FSTL4: variants seen among roughly 807,000 people sequenced by gnomAD.
FSTL4 encodes follistatin like 4, also known as follistatin-related protein 4.
In FSTL4, 28 loss-of-function variants were observed where a neutral mutation model predicts 78.2. That is an observed-to-expected ratio of 0.36 (90% confidence interval 0.27 to 0.49). The LOEUF (loss-of-function observed/expected upper bound fraction) is 0.49. Among genes scored for constraint, FSTL4 ranks in the 20% least tolerant of loss-of-function variants. The pLI, the probability that FSTL4 is intolerant of heterozygous loss-of-function variation, is 0.98. For synonymous variants in FSTL4, 422 were observed against 440.5 expected (o/e 0.96, Z 0.53); for missense variants, 922 against 1,084.9 (o/e 0.85, Z 2.11).
At chr5:133,697,798 T>C in the FSTL4 span, among the ~76,000 whole-genome samples, 1 of 152,162 alleles carries the variant, frequency 6.6e-6, no homozygotes, top group Non-Finnish European at 1.5e-5. Context: ...CAGCATGGCC[T>C]GGCAAAATCA....
At chr5:133,258,881 G>A (rs1283171844) in intron 6 of FSTL4, among the ~76,000 whole-genome samples, 1 of 152,196 alleles carries the variant, frequency 6.6e-6, no homozygotes, top group Non-Finnish European at 1.5e-5. Flanking sequence ...GACAGGCCAA[G>A]TCATCCAGGT....
chr5:133,379,396 CTAA>C (rs1203509681), intron 4 of FSTL4, among the ~76,000 whole-genome samples: 1 of 151,884 alleles, frequency 6.6e-6, no homozygotes, highest in African/African-American at 2.4e-5. Context: ...TATGATACAA[CTAA>C]ACCTACTAGA....
Position 133,220,907 on chromosome 5 carries a change from C to T in FSTL4, c.1340-41G>A, listed in dbSNP as rs370030673. ...GGAATGGGCATGCCCTCCAAGCAGT[C>T]GGCCCCTGGGCAGGGTCACACGCAG... On this transcript the variant is annotated intron_variant, in intron 11 of 15. Coordinates refer to ENST00000265342, the MANE Select transcript of FSTL4 (RefSeq NM_015082.2). 9.6e-5 allele frequency: 115 copies of T among 1,202,710 alleles called. No homozygotes were observed. The African/African-American group carries it at 1.1e-3, about 11-fold the overall frequency. 74.5% of individuals were successfully genotyped at this position (1,202,710 alleles called of 1,614,324 possible). A position where few individuals can be genotyped will look rare whatever the true frequency, so the allele number is the denominator to read the frequency against.
chr5:133,580,804 C>A (rs999028048), intron 2 of FSTL4, among the ~76,000 whole-genome samples: 5 of 152,312 alleles, frequency 3.3e-5, no homozygotes, highest in Non-Finnish European at 5.9e-5. Context: ...GCAGGGGAAG[C>A]AGCGGAGGTC....
intron 3 of FSTL4, among the ~76,000 whole-genome samples, chr5:133,423,191 G>A (rs1376761465): frequency 6.6e-6 from 1 of 152,238 alleles, no homozygotes; most frequent in African/African-American, 2.4e-5. Context: ...ATGAATGGGC[G>A]GCTTGTTTCC....
chr5:133,228,338 C>CCA (rs1209239380), intron 8 of FSTL4, among the ~76,000 whole-genome samples: 1 of 152,204 alleles, frequency 6.6e-6, no homozygotes. Context: ...GGCACTCTGA[C>CCA]AAGTTTTATC....
At chr5:133,738,272 G>T in the FSTL4 span, among the ~76,000 whole-genome samples, 1 of 152,190 alleles carries the variant, frequency 6.6e-6, no homozygotes, top group African/African-American at 2.4e-5. Context: ...TCTCTGAGGA[G>T]CTCAGTGCTC....
At chr5:133,248,585 G>A (rs981167381) in intron 7 of FSTL4, 1 of 152,210 alleles carries the variant, frequency 6.6e-6, no homozygotes, top group Non-Finnish European at 1.5e-5. Context: ...TCTAATAGAA[G>A]GGAAGTATTG....
rs923708502 is a variant in FSTL4, at chr5:133,611,132, A to G, written c.-11+1193T>C. On this transcript the variant is annotated intron_variant, in intron 1 of 15. Coordinates refer to ENST00000265342, the MANE Select transcript of FSTL4 (RefSeq NM_015082.2). This position sits in a 1 kb window ranked among gnomAD's most constrained non-coding sequence, Gnocchi z 4.9. The stretch of plus-strand genomic sequence containing the variant: ...GCGGCGGGCTGTGGCCGCGCCATTC[A>G]TCAGTGTCGGCGGCCCGCGGCCGCG... 2.6e-5 allele frequency among the ~76,000 whole-genome samples: 4 copies of G among 151,870 alleles called. No homozygotes were observed. Among genetic ancestry groups the G allele is most frequent in the Non-Finnish European group, 4.4e-5 (3 of 67,940 alleles).
intron 3 of FSTL4, among the ~76,000 whole-genome samples, chr5:133,438,090 T>C (rs1757073524): frequency 6.6e-6 from 1 of 152,256 alleles, no homozygotes; most frequent in African/African-American, 2.4e-5. Flanking sequence ...TTGATTCATT[T>C]ATCAGTTAGG....
At chr5:133,356,137 A>G (rs1754940675) in intron 4 of FSTL4, among the ~76,000 whole-genome samples, 1 of 152,184 alleles carries the variant, frequency 6.6e-6, no homozygotes, top group Admixed American at 6.5e-5. Context: ...GATCATGAAA[A>G]CATAGTCTTT....
chr5:133,666,846 C>T, the FSTL4 span, among the ~76,000 whole-genome samples: 7 of 152,250 alleles, frequency 4.6e-5, no homozygotes, highest in Non-Finnish European at 1.0e-4. Flanking sequence ...TAAGTGTTGT[C>T]TTTTACTTTC....
rs149072459 is a variant in FSTL4, at chr5:133,467,326, A to C, written c.161-66340T>G. 7.8e-4 allele frequency among the ~76,000 whole-genome samples: 118 copies of C among 152,044 alleles called. 2 individuals carry two copies. The highest frequency in any genetic ancestry group is 6.8e-3 in the Middle Eastern group (2 of 294). ...ACTGCATTCCCTGGGACAGAGGCTC[A>C]GTGGCATGACAGAGTGAAGGTGTGA... On this transcript the variant is annotated intron_variant, in intron 3 of 15. Coordinates refer to ENST00000265342, the MANE Select transcript of FSTL4 (RefSeq NM_015082.2).
chr5:133,621,715 T>C, the FSTL4 span, among the ~76,000 whole-genome samples: 1 of 152,072 alleles, frequency 6.6e-6, no homozygotes, highest in Non-Finnish European at 1.5e-5. Context: ...CTTACTTATG[T>C]AACCACATAC....
At chr5:133,758,755 C>A in the FSTL4 span, among the ~76,000 whole-genome samples, 1 of 152,130 alleles carries the variant, frequency 6.6e-6, no homozygotes, top group African/African-American at 2.4e-5. Flanking sequence ...TAGGGGTCAA[C>A]ATTTTGGGAG....
intron 2 of FSTL4, among the ~76,000 whole-genome samples, chr5:133,569,950 C>T (rs1760113992): frequency 2.0e-5 from 3 of 152,078 alleles, no homozygotes; most frequent in Non-Finnish European, 4.4e-5. Flanking sequence ...TGGCTCTCAC[C>T]TGTAATCCCA....
At chr5:133,438,680 A>G (rs894058162) in intron 3 of FSTL4, among the ~76,000 whole-genome samples, 1 of 152,208 alleles carries the variant, frequency 6.6e-6, no homozygotes, top group African/African-American at 2.4e-5. Context: ...CTGAAGTGCA[A>G]ATTCATCATC....
At chr5:133,325,570 G>A (rs900929364) in intron 4 of FSTL4, among the ~76,000 whole-genome samples, 2 of 152,022 alleles carry the variant, frequency 1.3e-5, no homozygotes, top group African/African-American at 4.8e-5. Flanking sequence ...GGACCTAGGG[G>A]CAAAGGCATG....
intron 3 of FSTL4, among the ~76,000 whole-genome samples, chr5:133,408,920 C>T (rs1182316508): frequency 6.6e-6 from 1 of 152,072 alleles, no homozygotes; most frequent in Non-Finnish European, 1.5e-5. Context: ...AAGTAGTAGC[C>T]ATTTGGTTTT....
Sources: gnomAD v4.1 joint callset for allele counts (sites outside exome capture counted in the v4.1 genomes callset) on GRCh38, gnomAD v4.1.1 for gene constraint, Gnocchi (gnomAD v3.1) non-coding constraint, MANE v1.5 for transcripts, NCBI Gene and HGNC (gene_info 2026-07-23, HGNC 2026-07-21) for gene names.